PTGS1: variants seen among roughly 807,000 people sequenced by gnomAD.
PTGS1 encodes the protein prostaglandin-endoperoxide synthase 1.
Under a neutral mutation model 63.0 loss-of-function variants are expected in PTGS1, and 40 were observed. The observed-to-expected ratio is 0.63, with a 90% CI of 0.49 to 0.83. The LOEUF (loss-of-function observed/expected upper bound fraction) is 0.83, where lower values mean the gene tolerates loss of function less well. Ranked by LOEUF, PTGS1 falls within the 40% of genes least tolerant of loss-of-function variation. The pLI, the probability that PTGS1 is intolerant of heterozygous loss-of-function variation, is 0.00. For missense variants in PTGS1, 709 were observed against 786.5 expected (o/e 0.90, Z 1.18); for synonymous variants, 298 against 301.9 (o/e 0.99, Z 0.13).
chr9:122,373,261 G>A (rs10306123), intron 2 of PTGS1, among the ~76,000 whole-genome samples: 6,121 of 152,232 alleles, frequency 0.04, 409 homozygotes, highest in African/African-American at 0.14. Context: ...AGGAAAGAAC[G>A]AATGACTGGT....
chr9:122,371,817 T>C lies in PTGS1; in HGVS notation c.94+545T>C, dbSNP rs753115165. 1.1e-3 allele frequency: 1,666 copies of C among 1,534,158 alleles called. 1 individual carries two copies. The highest frequency in any genetic ancestry group is 1.3e-3 in the Non-Finnish European group (1,524 of 1,146,258). On this transcript the variant is annotated intron_variant, in intron 2 of 10. Transcript: ENST00000362012. Reference sequence around the variant, plus strand: ...GTTTAAGAGATCCCCATTGAGCAAATGAGGAAACCGAGGCTCAGTAGGTGC... The same window carrying C: ...GTTTAAGAGATCCCCATTGAGCAAACGAGGAAACCGAGGCTCAGTAGGTGC...
At chr9:122,377,761 A>T (rs1326047379) in intron 2 of PTGS1, 138 bp from the exon 3 acceptor site, 4 of 719,518 alleles carry the variant, frequency 5.6e-6, no homozygotes, top group Non-Finnish European at 7.1e-6. Context: ...GGGAACCCTG[A>T]AGCCCTGGCA....
At chr9:122,391,390 TATATATAC>T (rs1172249758) in intron 10 of PTGS1, among the ~76,000 whole-genome samples, 6 of 83,594 alleles carry the variant, frequency 7.2e-5, no homozygotes, top group African/African-American at 3.9e-4. Context: ...TATATACATA[TATATATAC>T]ATATATATAT....
Position 122,377,981 on chromosome 9 carries a change from C to T in PTGS1, c.177C>T (p.Thr59=), listed in dbSNP as rs143346502. 1.9e-5 allele frequency: 31 copies of T among 1,613,736 alleles called. No individual in the cohort carries two copies. Among genetic ancestry groups the T allele is most frequent in the Non-Finnish European group, 2.5e-5 (30 of 1,180,030 alleles). Residue 59 remains threonine, a synonymous_variant, in exon 3 of 11, where the codon ACC becomes ACT. Transcript: ENST00000362012. ...FGLDRYQCDC[T]RTGYSGPNCT... ...TTGACCGCTACCAGTGTGACTGCAC[C>T]CGCACGGGCTATTCCGGCCCCAACT...
rs1416734507 is a variant in PTGS1, at chr9:122,371,079, C to A, written c.-6C>A. 1.9e-6 allele frequency: 3 copies of A among 1,598,460 alleles called. No homozygotes were observed. Among genetic ancestry groups the A allele is most frequent in the East Asian group, 2.2e-5 (1 of 44,768 alleles). ...ACTCTGCGTCCCGCACCCCAGCAGC[C>A]GCGCCATGAGCCGTGAGTGCGACCC... On this transcript the variant is annotated 5_prime_UTR_variant, in exon 1 of 11. Transcript: ENST00000362012.
Position 122,392,306 on chromosome 9 carries a change from T to C in PTGS1, c.1562T>C (p.Met521Thr), listed in dbSNP as rs368573797. The C allele has an allele frequency of 7.4e-6, 12 of 1,614,022 alleles. No homozygotes were observed. The African/African-American group carries it at 1.2e-4, about 16-fold the overall frequency. ...CHPNSIFGESMIEIGAPFSLK... is the reference protein window; with the variant it reads ...CHPNSIFGESTIEIGAPFSLK... Reference sequence around the variant, plus strand: ...CCAAACTCTATCTTTGGGGAGAGTATGATAGAGATTGGGGCTCCCTTTTCC... The same window carrying C: ...CCAAACTCTATCTTTGGGGAGAGTACGATAGAGATTGGGGCTCCCTTTTCC... Residue 521 changes from methionine to threonine, a missense_variant, in exon 11 of 11, where the codon ATG becomes ACG. Transcript: ENST00000362012.
At chr9:122,371,901 C>A in intron 2 of PTGS1, 1 of 1,197,208 alleles carries the variant, frequency 8.4e-7, no homozygotes, top group Non-Finnish European at 1.2e-6. Context: ...TCAGGTCTGT[C>A]TGCGTCCACA....
chr9:122,388,200 T>C (rs1301337390), intron 9 of PTGS1, among the ~76,000 whole-genome samples: 1 of 152,066 alleles, frequency 6.6e-6, no homozygotes, highest in Non-Finnish European at 1.5e-5. Flanking sequence ...ACTGTCAAGA[T>C]TTTTTTTCTT....
rs1346505254 is a variant in PTGS1 at position 122,381,651 on chromosome 9, T to C, written c.679-13T>C. On this transcript the variant is annotated splice_polypyrimidine_tract_variant and intron_variant, in intron 6 of 10. Coordinates refer to ENST00000362012, the MANE Select transcript of PTGS1 (RefSeq NM_000962.4). Reference sequence around the variant, plus strand: ...CACCCTGGTGACCTGAGGGAACCCCTCTCTGTCCACAGGTAGACCTCGGCC... The same window carrying C: ...CACCCTGGTGACCTGAGGGAACCCCCCTCTGTCCACAGGTAGACCTCGGCC... The C allele has an allele frequency of 6.2e-7, 1 of 1,613,940 alleles. No homozygotes were observed. Among genetic ancestry groups the C allele is most frequent in the Non-Finnish European group, 8.5e-7 (1 of 1,179,800 alleles).
chr9:122,384,401 C>T (rs1347084437), intron 8 of PTGS1, among the ~76,000 whole-genome samples: 2 of 152,110 alleles, frequency 1.3e-5, no homozygotes, highest in African/African-American at 4.8e-5. Flanking sequence ...TGGCTGGTCC[C>T]AATTATAGAG....
At chr9:122,390,026 A>G (rs1838108756) in intron 9 of PTGS1, among the ~76,000 whole-genome samples, 172 bp from the exon 10 acceptor site, 1 of 152,080 alleles carries the variant, frequency 6.6e-6, no homozygotes, top group South Asian at 2.1e-4. Context: ...AGAGAGCATG[A>G]CAGCAGCAGG....
intron 2 of PTGS1, chr9:122,371,841 G>A (rs1465887408): frequency 9.2e-6 from 14 of 1,516,168 alleles, no homozygotes; most frequent in South Asian, 1.2e-5. Context: ...CTCAGTAGGT[G>A]CCATGATTCC....
At chr9:122,378,992 G>A (rs914148221) in intron 5 of PTGS1, 74 bp downstream of exon 5, 117 of 1,566,304 alleles carry the variant, frequency 7.5e-5, no homozygotes, top group Middle Eastern at 4.1e-4. Context: ...AAAATCAGGC[G>A]AAGAACAATT....
chr9:122,385,170 A>C (rs4836889), intron 8 of PTGS1, among the ~76,000 whole-genome samples: 41,830 of 152,032 alleles, frequency 0.28, 9,292 homozygotes, highest in African/African-American at 0.61. Context: ...GTTGGCCAGG[A>C]TGATCTTGAA....
At chr9:122,378,380 A>G in intron 3 of PTGS1, 53 bp from the exon 4 acceptor site, 1 of 1,607,036 alleles carries the variant, frequency 6.2e-7, no homozygotes, top group Non-Finnish European at 8.5e-7. Flanking sequence ...CACCCTGGCT[A>G]CTTCTGGTTC....
At chr9:122,378,709 A>G in intron 4 of PTGS1, 66 bp from the exon 5 acceptor site, 2 of 1,605,612 alleles carry the variant, frequency 1.2e-6, no homozygotes. Flanking sequence ...ACCCAGGAGG[A>G]GGCAAGAACT....
chr9:122,383,297 A>G (rs1202597129), intron 7 of PTGS1, among the ~76,000 whole-genome samples: 1 of 151,246 alleles, frequency 6.6e-6, no homozygotes, highest in Non-Finnish European at 1.5e-5. Context: ...ACTTAGGGAA[A>G]GGAGTCAGAG....
intron 10 of PTGS1, 35 bp from the exon 11 acceptor site, chr9:122,392,154 A>C: frequency 1.3e-6 from 2 of 1,528,282 alleles, no homozygotes; most frequent in Non-Finnish European, 1.8e-6. Context: ...GGCATCATGG[A>C]TCTGATGCTA....
chr9:122,390,171 A>T (rs956147316), intron 9 of PTGS1, 27 bp from the exon 10 acceptor site: 1 of 1,607,746 alleles, frequency 6.2e-7, no homozygotes, highest in African/African-American at 1.3e-5. Flanking sequence ...TGGCTCCCAG[A>T]CCACTGCTGT....
Sources: allele counts gnomAD v4.1 joint callset (sites outside exome capture counted in the v4.1 genomes callset), GRCh38; gene constraint gnomAD v4.1.1; transcripts MANE v1.5; gene names NCBI Gene and HGNC (gene_info 2026-07-23, HGNC 2026-07-21).